Variants in NAV2 observed in about 807,000 individuals in gnomAD.
The protein encoded by NAV2 is neuron navigator 2.
Under a neutral mutation model 223.2 loss-of-function variants are expected in NAV2, and 54 were observed. The ratio of observed to expected loss-of-function variants is 0.24; its 90% CI spans 0.19 to 0.30. The LOEUF is 0.30. Ranked by LOEUF, NAV2 falls within the 10% of genes least tolerant of loss-of-function variation. The pLI is 1.00. For missense variants in NAV2, 2,806 were observed against 3,147.5 expected, an observed-to-expected ratio of 0.89 and a Z score of 2.60; for synonymous variants, 1,279 against 1,239.3, an observed-to-expected ratio of 1.03 and a Z score of -0.67.
intron 6 of NAV2, among the ~76,000 whole-genome samples, chr11:19,922,676 C>A (rs983247501): frequency 1.3e-5 from 2 of 152,158 alleles, no homozygotes; most frequent in African/African-American, 4.8e-5. Context: ...GAATGTGAGA[C>A]CTTGGAGAAG....
chr11:19,489,614 G>A (rs1446960491), intron 1 of NAV2, among the ~76,000 whole-genome samples: 1 of 152,168 alleles, frequency 6.6e-6, no homozygotes, highest in East Asian at 1.9e-4. Context: ...AAATTACACG[G>A]AGTTGGTGCT....
chr11:19,648,959 A>G (rs576543387), intron 1 of NAV2, among the ~76,000 whole-genome samples: 77 of 152,208 alleles, frequency 5.1e-4, no homozygotes, highest in African/African-American at 1.7e-3. Flanking sequence ...AGTAGATTTT[A>G]TTACACTTGA....
intron 1 of NAV2, among the ~76,000 whole-genome samples, chr11:19,386,948 A>T (rs1393931838): frequency 6.6e-6 from 1 of 152,070 alleles, no homozygotes; most frequent in Non-Finnish European, 1.5e-5. Flanking sequence ...AAGGCATGGG[A>T]TGGGTGCTGG....
chr11:20,025,056 T>A (rs1202185727), intron 11 of NAV2, among the ~76,000 whole-genome samples: 1 of 152,242 alleles, frequency 6.6e-6, no homozygotes, highest in Non-Finnish European at 1.5e-5. Context: ...ATTGAGTCAA[T>A]GTGATTTTAA....
chr11:20,074,153 A>G (rs2059576640), intron 22 of NAV2, among the ~76,000 whole-genome samples: 1 of 152,194 alleles, frequency 6.6e-6, no homozygotes, highest in Admixed American at 6.5e-5. Flanking sequence ...CATTGGTTTC[A>G]AAGAACATCT....
chr11:19,884,164 G>T, intron 5 of NAV2: 1 of 629,544 alleles, frequency 1.6e-6, no homozygotes. Context: ...GTGTGTCATA[G>T]AAAACAGTGG....
In NAV2 at chr11:20,049,119, C is replaced by T. The variant is rs1233166874; in HGVS notation, c.4294C>T (p.Leu1432Phe). The change falls in exon 15 of 38, where the codon CTC (leucine) becomes TTC (phenylalanine). Residue 1432 changes from leucine (L) to phenylalanine (F), a missense_variant. Coordinates refer to ENST00000349880, the MANE Select transcript of NAV2 (RefSeq NM_145117.5). ...CCCCAGCCACAATTCTTCCACTGGC[C>T]TCATCGCCTCCTCCAAGGACGACTC... ...GVPSHNSSTG[L>F]IASSKDDSLT... 5 of 1,613,976 alleles carry T rather than the reference C, an allele frequency of 3.1e-6. No homozygotes were observed. In the South Asian group the frequency reaches 3.3e-5, roughly 11 times the overall value.
rs750232905 is a variant in NAV2, at chr11:20,100,939, C to G, written c.6184C>G (p.Leu2062Val). 34 of 1,613,630 alleles carry G rather than the reference C, an allele frequency of 2.1e-5. No individual in the cohort carries two copies. The highest frequency in any genetic ancestry group is 5.9e-6 in the Non-Finnish European group (7 of 1,179,690). The change falls in exon 32 of 38, where the codon CTC becomes GTC. Residue 2062 changes from leucine (L) to valine (V), a missense_variant and splice_region_variant. Leu to Val is a conservative substitution (Grantham distance 32, BLOSUM62 1). This residue lies in a region of NAV2 where 824 missense variants were observed against 1,069.4 expected (regional missense o/e 0.77). Coordinates refer to ENST00000349880, the MANE Select transcript of NAV2 (RefSeq NM_145117.5). ...NTTISVTVKG[L>V]AENSLDSLVF... Reference sequence around the variant, plus strand: ...ATTCCTGTCTCTCTCAAATGCAGGGCTCGCAGAAAACAGCCTGGACTCACT... The same window carrying G: ...ATTCCTGTCTCTCTCAAATGCAGGGGTCGCAGAAAACAGCCTGGACTCACT...
At chr11:19,970,741 C>A (rs2049166012) in intron 10 of NAV2, among the ~76,000 whole-genome samples, 1 of 152,116 alleles carries the variant, frequency 6.6e-6, no homozygotes, top group South Asian at 2.1e-4. Flanking sequence ...ATTTATTGAA[C>A]ACACAAATAC....
chr11:19,512,504 A>T (rs1464117548), intron 1 of NAV2, among the ~76,000 whole-genome samples: 1 of 152,198 alleles, frequency 6.6e-6, no homozygotes, highest in Admixed American at 6.5e-5. Context: ...GGAAAAAATT[A>T]AAAAGGAAGG....
chr11:19,416,016 TC>T (rs1850351734), intron 1 of NAV2, among the ~76,000 whole-genome samples: 1 of 152,084 alleles, frequency 6.6e-6, no homozygotes, highest in Non-Finnish European at 1.5e-5. Flanking sequence ...CTGGGAGCAT[TC>T]CCTTCGAAAA....
chr11:19,421,451 A>G (rs1850609765), intron 1 of NAV2, among the ~76,000 whole-genome samples: 2 of 152,206 alleles, frequency 1.3e-5, no homozygotes, highest in African/African-American at 4.8e-5. Flanking sequence ...TGTCACTTGG[A>G]TGAACAGTTT....
At chr11:19,755,142 A>C (rs1235131653) in intron 1 of NAV2, among the ~76,000 whole-genome samples, 1 of 152,240 alleles carries the variant, frequency 6.6e-6, no homozygotes, top group Admixed American at 6.5e-5. Flanking sequence ...TGTCTTCCCC[A>C]AGAAAATTCT....
intron 1 of NAV2, among the ~76,000 whole-genome samples, chr11:19,782,543 C>A (rs1198732963): frequency 1.3e-5 from 2 of 152,098 alleles, no homozygotes; most frequent in African/African-American, 2.4e-5. Flanking sequence ...TTGTTTCTGG[C>A]TCCTGTAATG....
At chr11:19,594,118 G>T (rs1299258764) in intron 1 of NAV2, among the ~76,000 whole-genome samples, 1 of 152,158 alleles carries the variant, frequency 6.6e-6, no homozygotes, top group Non-Finnish European at 1.5e-5. Context: ...ATTTCATGCA[G>T]ATGGAGCTCA....
chr11:19,651,418 A>G (rs1190529894), intron 1 of NAV2, among the ~76,000 whole-genome samples: 1 of 152,248 alleles, frequency 6.6e-6, no homozygotes, highest in African/African-American at 2.4e-5. Flanking sequence ...TGTGATGCAC[A>G]TGAAACATAT....
At chr11:19,623,197 A>AT (rs2047060171) in intron 1 of NAV2, among the ~76,000 whole-genome samples, 1 of 151,886 alleles carries the variant, frequency 6.6e-6, no homozygotes, top group Non-Finnish European at 1.5e-5. Context: ...TGCCCTTAAC[A>AT]TTTTTTCCTT....
In NAV2 at chr11:19,762,015, G is replaced by A. The variant is rs185963612; in HGVS notation, c.267+48053G>A. Among the ~76,000 whole-genome samples, 4 of 152,256 alleles carry A rather than the reference G, an allele frequency of 2.6e-5. No individual in the cohort carries two copies. The East Asian group carries it at 7.7e-4, about 29-fold the overall frequency. ...CCCAACACTTTGGGAGGCCAAGGGGGGCGGATCACCTGAGGTCAGGAGTTC... is the reference window on the plus strand; with the variant it reads ...CCCAACACTTTGGGAGGCCAAGGGGAGCGGATCACCTGAGGTCAGGAGTTC... On this transcript the variant is annotated intron_variant, in intron 1 of 37. Coordinates refer to ENST00000349880, the MANE Select transcript of NAV2 (RefSeq NM_145117.5).
chr11:19,369,785 G>C (rs770895631), intron 1 of NAV2, among the ~76,000 whole-genome samples: 2 of 152,234 alleles, frequency 1.3e-5, no homozygotes, highest in South Asian at 4.2e-4. Flanking sequence ...ATATCGAGCC[G>C]GTGCATCAGG....
Sources: allele counts gnomAD v4.1 joint callset (sites outside exome capture counted in the v4.1 genomes callset), GRCh38; gene constraint gnomAD v4.1.1; regional missense constraint gnomAD v4.1.1; transcripts MANE v1.5; gene names NCBI Gene and HGNC (gene_info 2026-07-23, HGNC 2026-07-21).